The following DUOX2 variants were observed in gnomAD, a reference collection of about 807,000 sequenced individuals.
DUOX2 encodes NADH/NADPH thyroid oxidase p138-tox.
DUOX2 carries 185 observed loss-of-function variants against 183.3 expected under a neutral mutation model. The observed-to-expected ratio is 1.01, with a 90% CI of 0.90 to 1.14. The LOEUF is 1.14. Among genes scored for constraint, DUOX2 ranks in the 50% most tolerant of loss-of-function variants. The probability of loss-of-function intolerance (pLI) is 0.00; values close to 1 mark genes in which losing one functional copy is unlikely to be tolerated. For missense variants in DUOX2, 1,999 were observed against 2,022.9 expected, an observed-to-expected ratio of 0.99 and a Z score of 0.23; for synonymous variants, 788 against 812.4, an observed-to-expected ratio of 0.97 and a Z score of 0.51.
At chr15:45,104,686 G>A (rs1369366327) in intron 18 of DUOX2, among the ~76,000 whole-genome samples, 1 of 152,238 alleles carries the variant, frequency 6.6e-6, no homozygotes, top group African/African-American at 2.4e-5. Context: ...GACAGAAGAT[G>A]TAGAGACATG....
At chr15:45,101,618 A>T in intron 21 of DUOX2, 175 bp downstream of exon 21, 1 of 764,786 alleles carries the variant, frequency 1.3e-6, no homozygotes, top group Non-Finnish European at 2.2e-6. Flanking sequence ...AGTGGGTATC[A>T]TTGTGCATTA....
chr15:45,094,448 G>A (rs1172524719), intron 33 of DUOX2, 115 bp downstream of exon 33: 1 of 1,529,144 alleles, frequency 6.5e-7, no homozygotes. Context: ...CTCATCCTGG[G>A]GCCAGGCAAT....
rs1406849524 is a variant in DUOX2 at position 45,098,070 on chromosome 15, A to G, written c.3516-12T>C. 2 of 1,613,794 alleles carry G rather than the reference A, an allele frequency of 1.2e-6. No individual in the cohort carries two copies. Among genetic ancestry groups the G allele is most frequent in the African/African-American group, 2.7e-5 (2 of 74,910 alleles). The stretch of plus-strand genomic sequence containing the variant: ...GGGGAAGCTTGGACCTGGGGGGCAA[A>G]GGCACCTTGAGCCTCTGACTGGGGC... On this transcript the variant is annotated splice_polypyrimidine_tract_variant and intron_variant, in intron 26 of 33. Transcript: ENST00000389039.
intron 20 of DUOX2, among the ~76,000 whole-genome samples, chr15:45,102,251 T>C (rs1040571195): frequency 6.7e-6 from 1 of 149,646 alleles, no homozygotes; most frequent in African/African-American, 2.5e-5. Context: ...ACTGAGAAGA[T>C]AGTCCACTGA....
intron 20 of DUOX2, among the ~76,000 whole-genome samples, chr15:45,102,744 G>T (rs1252441347): frequency 2.0e-5 from 3 of 152,220 alleles, no homozygotes; most frequent in African/African-American, 4.8e-5. Flanking sequence ...CACTTTAGGA[G>T]GCTGAGGCGG....
chr15:45,111,975 A>T lies in DUOX2; in HGVS notation c.326-20T>A. The stretch of plus-strand genomic sequence containing the variant: ...GGTAGCCTGCGGGCATGGGGCGCCA[A>T]TACGTGACAAACCGTCCGTATTGCG... On this transcript the variant is annotated intron_variant, in intron 4 of 33. Transcript: ENST00000389039. The T allele has an allele frequency of 1.2e-6, 2 of 1,612,314 alleles. No individual in the cohort carries two copies. Among genetic ancestry groups the T allele is most frequent in the Non-Finnish European group, 1.7e-6 (2 of 1,179,536 alleles).
At chr15:45,105,579 T>A in intron 18 of DUOX2, 64 bp downstream of exon 18, 1 of 1,602,386 alleles carries the variant, frequency 6.2e-7, no homozygotes, top group Non-Finnish European at 8.5e-7. Flanking sequence ...GGGCGTTCTA[T>A]GCAGCCCAGG....
At chr15:45,109,486 G>C (rs372451596) in intron 11 of DUOX2, 38 bp downstream of exon 11, 2 of 1,594,456 alleles carry the variant, frequency 1.3e-6, no homozygotes, top group African/African-American at 1.3e-5. Context: ...CAGGCTTCCT[G>C]GTCCCTTACC....
intron 12 of DUOX2, chr15:45,108,581 G>C: frequency 1.5e-6 from 1 of 678,586 alleles, no homozygotes; most frequent in Non-Finnish European, 2.5e-6. Flanking sequence ...CAATGCAGTG[G>C]TTAGGAATAT....
At chr15:45,099,340 GCCC>G (rs1406807126) in intron 26 of DUOX2, 40 bp downstream of exon 26, 4 of 1,570,062 alleles carry the variant, frequency 2.5e-6, no homozygotes, top group Admixed American at 1.7e-5. Flanking sequence ...ATACCCTTGG[GCCC>G]ACCCTATGAG....
Position 45,108,176 on chromosome 15 carries a change from A to C in DUOX2, c.1445T>G (p.Leu482Arg), listed in dbSNP as rs751301016. 4.3e-6 allele frequency: 7 copies of C among 1,614,082 alleles called. No homozygotes were observed. In the Admixed American group the frequency reaches 1.0e-4, roughly 23 times the overall value. The change falls in exon 13 of 34, where the codon CTA (leucine) becomes CGA (arginine). Residue 482 changes from leucine (L) to arginine (R), a missense_variant. Around this residue, in one of 3 missense-constraint regions of DUOX2, gnomAD observed 1,628 missense variants for 1,608.6 expected, o/e 1.01. Transcript: ENST00000389039. Reference sequence around the variant, plus strand: ...CAGGAGCCCCCCAAGGAGCAGCTCTAGCTGGGATAGGTCCTGGTTGTACAG... The same window carrying C: ...CAGGAGCCCCCCAAGGAGCAGCTCTCGCTGGGATAGGTCCTGGTTGTACAG... ...AALYNQDLSQLELLLGGLLES... is the reference protein window; with the variant it reads ...AALYNQDLSQRELLLGGLLES...
chr15:45,094,620 G>C lies in DUOX2; in HGVS notation c.4467C>G (p.His1489Gln), dbSNP rs1410260660. ...AGGGCTCGAAGGGGGGACGGCCAAA[G>C]TGGGTGATGGAGCGCAGGCCCGTGA... ...SLFTGLRSITHFGRPPFEPFF... is the reference protein window; with the variant it reads ...SLFTGLRSITQFGRPPFEPFF... Residue 1489 changes from histidine to glutamine, a missense_variant, in exon 33 of 34, where the codon CAC (histidine) becomes CAG (glutamine). Around this residue, in one of 3 missense-constraint regions of DUOX2, gnomAD observed 1,628 missense variants for 1,608.6 expected, o/e 1.01. Coordinates refer to ENST00000389039, the MANE Select transcript of DUOX2 (RefSeq NM_001363711.2). 11 of 1,614,040 alleles carry C rather than the reference G, an allele frequency of 6.8e-6. No homozygotes were observed. The East Asian group carries it at 2.5e-4, about 36-fold the overall frequency.
At chr15:45,097,437 T>C in intron 28 of DUOX2, 46 bp from the exon 29 acceptor site, 2 of 1,614,034 alleles carry the variant, frequency 1.2e-6, no homozygotes, top group Non-Finnish European at 1.7e-6. Context: ...GCCAGGCCCC[T>C]GCCCGGCATC....
At chr15:45,112,870 T>A in intron 3 of DUOX2, 117 bp downstream of exon 3, 1 of 1,541,464 alleles carries the variant, frequency 6.5e-7, no homozygotes, top group South Asian at 1.1e-5. Context: ...AAGATTGCGC[T>A]GTGTAGGCAG....
At chr15:45,105,493 G>T in intron 18 of DUOX2, 150 bp downstream of exon 18, 1 of 919,376 alleles carries the variant, frequency 1.1e-6, no homozygotes. Context: ...ACAGAGCTAA[G>T]TAAAGTGGCA....
intron 3 of DUOX2, 114 bp downstream of exon 3, chr15:45,112,873 G>A: frequency 6.5e-7 from 1 of 1,535,000 alleles, no homozygotes; most frequent in Non-Finnish European, 9.0e-7. Flanking sequence ...ATTGCGCTGT[G>A]TAGGCAGCGG....
intron 31 of DUOX2, 61 bp from the exon 32 acceptor site, chr15:45,095,152 G>A: frequency 6.4e-7 from 1 of 1,569,488 alleles, no homozygotes; most frequent in Non-Finnish European, 8.6e-7. Flanking sequence ...GATCCCAGGT[G>A]CCTTCACCTG....
Position 45,105,627 on chromosome 15 carries a change from G to A in DUOX2, c.2334+16C>T. 1 of 1,614,082 alleles carries A rather than the reference G, an allele frequency of 6.2e-7. No individual in the cohort carries two copies. Among genetic ancestry groups the A allele is most frequent in the Non-Finnish European group, 8.5e-7 (1 of 1,180,002 alleles). ...CTGGGGCTGGACCCATCTCCAAAAG[G>A]CACAGGTCATGGCACCTGAGCAAAA... On this transcript the variant is annotated intron_variant, in intron 18 of 33. Coordinates refer to ENST00000389039, the MANE Select transcript of DUOX2 (RefSeq NM_001363711.2).
Position 45,096,026 on chromosome 15 carries a change from GCC to G in DUOX2, c.3880_3881del (p.Gly1294LeufsTer2). 6.2e-7 allele frequency: 1 copy of G among 1,614,130 alleles called. No individual in the cohort carries two copies. Among genetic ancestry groups the G allele is most frequent in the Non-Finnish European group, 8.5e-7 (1 of 1,180,002 alleles). On this transcript the variant is annotated frameshift_variant, in exon 30 of 34. Transcript: ENST00000389039. LOFTEE classifies it high-confidence loss of function. ...CCCACTGTCCTGACTTGTACTCAAA[GCC>G]TTGGGGCCTCTGGAATTGCAGGTAG... ...VTYLQFQRPQ[G>X]FEYKSGQWVR...
Sources: gnomAD v4.1 joint callset for allele counts (sites outside exome capture counted in the v4.1 genomes callset) on GRCh38, gnomAD v4.1.1 for gene constraint, gnomAD v4.1.1 regional missense constraint, MANE v1.5 for transcripts, NCBI Gene and HGNC (gene_info 2026-07-23, HGNC 2026-07-21) for gene names.